GSK3B: variants seen among roughly 807,000 people sequenced by gnomAD.
GSK3B encodes glycogen synthase kinase 3 beta.
GSK3B carries 15 observed loss-of-function variants against 56.4 expected under a neutral mutation model. The observed-to-expected ratio is 0.27, with a 90% CI of 0.18 to 0.41. The LOEUF (loss-of-function observed/expected upper bound fraction) is 0.41. Among genes scored for constraint, GSK3B ranks in the 10% least tolerant of loss-of-function variants. The pLI, the probability that GSK3B is intolerant of heterozygous loss-of-function variation, is 1.00. For missense variants in GSK3B, 300 were observed against 513.4 expected, an observed-to-expected ratio of 0.58 and a Z score of 4.02; for synonymous variants, 181 against 188.9, an observed-to-expected ratio of 0.96 and a Z score of 0.34.
At chr3:119,845,824 AT>A (rs2055847599) in intron 9 of GSK3B, among the ~76,000 whole-genome samples, 1 of 152,222 alleles carries the variant, frequency 6.6e-6, no homozygotes, top group South Asian at 2.1e-4. Flanking sequence ...TTTAAATTTC[AT>A]ATGGAACCAA....
At chr3:120,078,458 C>T (rs2058384949) in intron 1 of GSK3B, among the ~76,000 whole-genome samples, 2 of 151,990 alleles carry the variant, frequency 1.3e-5, no homozygotes, top group African/African-American at 4.8e-5. Context: ...ATGACAAATA[C>T]GACAAACACA....
chr3:119,886,222 A>T (rs575373835), intron 7 of GSK3B, among the ~76,000 whole-genome samples: 1 of 152,162 alleles, frequency 6.6e-6, no homozygotes, highest in East Asian at 1.9e-4. Flanking sequence ...CCATTAAAAA[A>T]TGGGCAGAAC....
intron 9 of GSK3B, among the ~76,000 whole-genome samples, chr3:119,846,010 C>G (rs1255930514): frequency 6.6e-6 from 1 of 152,202 alleles, no homozygotes; most frequent in Non-Finnish European, 1.5e-5. Flanking sequence ...CTACAACCAT[C>G]TGATCTTTGA....
At chr3:120,064,447 G>T (rs1359302106) in intron 1 of GSK3B, among the ~76,000 whole-genome samples, 1 of 151,794 alleles carries the variant, frequency 6.6e-6, no homozygotes, top group Non-Finnish European at 1.5e-5. Flanking sequence ...AAAAAACTAG[G>T]AATAAACTTA....
chr3:119,951,188 A>G (rs1299751218), intron 2 of GSK3B, among the ~76,000 whole-genome samples: 1 of 152,238 alleles, frequency 6.6e-6, no homozygotes, highest in East Asian at 1.9e-4. Flanking sequence ...GAGGCTCAAC[A>G]GAGCCCCGGA....
chr3:119,925,916 C>A (rs1470012045), intron 3 of GSK3B, among the ~76,000 whole-genome samples: 1 of 152,196 alleles, frequency 6.6e-6, no homozygotes, highest in South Asian at 2.1e-4. Flanking sequence ...CCCTTCTCAT[C>A]TATTTGACTT....
chr3:120,046,863 G>A (rs368210352), intron 1 of GSK3B, among the ~76,000 whole-genome samples: 20 of 152,062 alleles, frequency 1.3e-4, no homozygotes, highest in Non-Finnish European at 1.8e-4. Flanking sequence ...TGCCCGCCTC[G>A]GCCTCCCAAA....
chr3:120,086,425 TAC>T (rs2058463799), intron 1 of GSK3B, among the ~76,000 whole-genome samples: 3 of 152,114 alleles, frequency 2.0e-5, no homozygotes, highest in Admixed American at 2.0e-4. Context: ...ATCAACAAAT[TAC>T]AGATATTTTA....
chr3:120,052,152 T>C (rs529964767), intron 1 of GSK3B, among the ~76,000 whole-genome samples: 7 of 152,180 alleles, frequency 4.6e-5, no homozygotes, highest in Non-Finnish European at 1.0e-4. Context: ...TTTCCATCCA[T>C]TGATGTTTTA....
At chr3:119,992,411 T>C (rs1030958027) in intron 2 of GSK3B, among the ~76,000 whole-genome samples, 5 of 152,052 alleles carry the variant, frequency 3.3e-5, no homozygotes, top group African/African-American at 9.7e-5. Context: ...TAGTTAATGA[T>C]TTAGAAAAGA....
At chr3:119,933,225 CATCT>C (rs1490411796) in intron 3 of GSK3B, among the ~76,000 whole-genome samples, 10 of 152,180 alleles carry the variant, frequency 6.6e-5, no homozygotes, top group African/African-American at 2.2e-4. Context: ...CACAATTTTT[CATCT>C]ATCAAACTAG....
intron 1 of GSK3B, among the ~76,000 whole-genome samples, chr3:120,079,696 A>G (rs1007700439): frequency 2.0e-5 from 3 of 152,140 alleles, no homozygotes; most frequent in African/African-American, 7.2e-5. Context: ...CACCCGGCCT[A>G]TATAAACATA....
intron 9 of GSK3B, among the ~76,000 whole-genome samples, chr3:119,861,524 A>C (rs1297162471): frequency 6.6e-6 from 1 of 151,568 alleles, no homozygotes; most frequent in South Asian, 2.1e-4. Context: ...AAAAAAAAAA[A>C]CAAAACAAAC....
At position 119,863,602 on chromosome 3, in the gene GSK3B, A is replaced by G. The variant is rs2056138502; in HGVS notation, c.913T>C (p.Phe305Leu). Residue 305 changes from phenylalanine to leucine, a missense_variant, in exon 9 of 11, where the codon TTC becomes CTC. Coordinates refer to ENST00000264235, the MANE Select transcript of GSK3B (RefSeq NM_001146156.2). ...GCCTCCGGTGGAGTTCGGGGTCGGA[A>G]GACCTGCAGTACAAAAAAAGGGAAA... Reference protein sequence around the residue: ...QIKAHPWTKVFRPRTPPEAIA... With the variant: ...QIKAHPWTKVLRPRTPPEAIA... 1.3e-6 allele frequency: 2 copies of G among 1,599,144 alleles called. No individual in the cohort carries two copies. Among genetic ancestry groups the G allele is most frequent in the Non-Finnish European group, 1.7e-6 (2 of 1,166,898 alleles).
chr3:120,079,893 C>A (rs1181438027), intron 1 of GSK3B, among the ~76,000 whole-genome samples: 1 of 152,194 alleles, frequency 6.6e-6, no homozygotes, highest in Admixed American at 6.5e-5. Context: ...AGCCAAACAT[C>A]TCACAATGCA....
chr3:119,967,222 C>T (rs1375459393), intron 2 of GSK3B, among the ~76,000 whole-genome samples: 2 of 152,036 alleles, frequency 1.3e-5, no homozygotes, highest in African/African-American at 2.4e-5. Context: ...GGACTACAGG[C>T]GTGTGCCACC....
At chr3:120,089,242 A>G (rs2058490863) in intron 1 of GSK3B, among the ~76,000 whole-genome samples, 1 of 152,186 alleles carries the variant, frequency 6.6e-6, no homozygotes, top group Admixed American at 6.5e-5. Flanking sequence ...CCTGTGACTT[A>G]CTGTCACTTC....
chr3:119,971,642 C>T (rs927940080), intron 2 of GSK3B, among the ~76,000 whole-genome samples: 3 of 105,364 alleles, frequency 2.8e-5, no homozygotes, highest in South Asian at 3.3e-4. Context: ...GACGGAGTCT[C>T]GCTCTGTCGC....
At chr3:119,939,945 A>G (rs1486493312) in intron 3 of GSK3B, among the ~76,000 whole-genome samples, 2 of 152,078 alleles carry the variant, frequency 1.3e-5, no homozygotes, top group African/African-American at 4.8e-5. Flanking sequence ...GATTGAGAAT[A>G]TGGCCCAGGA....
Sources: gnomAD v4.1 joint callset for allele counts (sites outside exome capture counted in the v4.1 genomes callset) on GRCh38, gnomAD v4.1.1 for gene constraint, MANE v1.5 for transcripts, NCBI Gene and HGNC (gene_info 2026-07-23, HGNC 2026-07-21) for gene names.